Variants in PDGFD observed in about 807,000 individuals in gnomAD.
PDGFD encodes the protein platelet derived growth factor D, also known as platelet-derived growth factor D.
PDGFD carries 30 observed loss-of-function variants against 44.7 expected under a neutral mutation model. The ratio of observed to expected loss-of-function variants is 0.67; its 90% CI spans 0.50 to 0.91. The LOEUF (loss-of-function observed/expected upper bound fraction) is 0.91. PDGFD is among the 40% of genes least tolerant of loss of function. PDGFD has a pLI of 0.00. For missense variants in PDGFD, 445 were observed against 457.8 expected, an observed-to-expected ratio of 0.97 and a Z score of 0.25; for synonymous variants, 173 against 168.4, an observed-to-expected ratio of 1.03 and a Z score of -0.21.
chr11:104,000,502 G>T (rs562164309), intron 1 of PDGFD, among the ~76,000 whole-genome samples: 8 of 152,244 alleles, frequency 5.3e-5, no homozygotes, highest in African/African-American at 1.7e-4. Context: ...AAAAACAAAA[G>T]AAAAGACTCT....
chr11:103,931,845 G>C (rs982959857), intron 5 of PDGFD, among the ~76,000 whole-genome samples: 2 of 152,154 alleles, frequency 1.3e-5, no homozygotes, highest in African/African-American at 4.8e-5. Context: ...TAATGCTAAA[G>C]TTCTTTATAA....
At chr11:103,932,501 A>C (rs1013130325) in intron 5 of PDGFD, among the ~76,000 whole-genome samples, 1 of 152,194 alleles carries the variant, frequency 6.6e-6, no homozygotes, top group Non-Finnish European at 1.5e-5. Flanking sequence ...AAAAGTTAAG[A>C]AGCATCCATA....
At position 103,999,989 on chromosome 11, in the gene PDGFD, A is replaced by G. The variant is rs191118836; in HGVS notation, c.329+62T>C. On this transcript the variant is annotated intron_variant, in intron 2 of 6. Coordinates refer to ENST00000393158, the MANE Select transcript of PDGFD (RefSeq NM_025208.5). ...AAAGGAATGTTTGATACGATGCTTT[A>G]AATTCATCTTTTTCTTTTTTCACCT... The G allele has an allele frequency of 5.7e-6, 8 of 1,409,924 alleles. No individual in the cohort carries two copies. In the East Asian group the frequency reaches 1.8e-4, roughly 32 times the overall value. 87.3% of individuals were successfully genotyped at this position (1,409,924 alleles called of 1,614,324 possible).
At chr11:103,968,379 G>C (rs901256169) in intron 3 of PDGFD, among the ~76,000 whole-genome samples, 1 of 151,982 alleles carries the variant, frequency 6.6e-6, no homozygotes, top group Non-Finnish European at 1.5e-5. Context: ...CATCTCCTAC[G>C]GGACGTCTGA....
chr11:104,157,676 A>G (rs1862327195), intron 1 of PDGFD, among the ~76,000 whole-genome samples: 1 of 152,180 alleles, frequency 6.6e-6, no homozygotes, highest in African/African-American at 2.4e-5. Flanking sequence ...AGTCCGGAGA[A>G]GGCATGCTGG....
chr11:104,054,299 A>G (rs1860588987), intron 1 of PDGFD, among the ~76,000 whole-genome samples: 1 of 152,258 alleles, frequency 6.6e-6, no homozygotes, highest in African/African-American at 2.4e-5. Flanking sequence ...GTCCTCATCC[A>G]GACACACCCT....
At chr11:103,984,212 T>C (rs887662522) in intron 3 of PDGFD, among the ~76,000 whole-genome samples, 1 of 151,750 alleles carries the variant, frequency 6.6e-6, no homozygotes, top group African/African-American at 2.4e-5. Flanking sequence ...ATATACACTA[T>C]GGAATACAAT....
At position 103,996,745 on chromosome 11, in the gene PDGFD, C is replaced by T. The variant is rs374301899; in HGVS notation, c.330-500G>A. Among the ~76,000 whole-genome samples, 6 of 152,254 alleles carry T rather than the reference C, an allele frequency of 3.9e-5. No individual in the cohort carries two copies. The East Asian group carries it at 1.2e-3, about 29-fold the overall frequency. ...TGCCATTACAGAAAATAAATGAATA[C>T]ACACGACTTGCTATATTCTCTTTTT... is the stretch of plus-strand genomic sequence containing the variant. On this transcript the variant is annotated intron_variant, in intron 2 of 6. Transcript: ENST00000393158.
chr11:104,070,148 C>T (rs1408930701), intron 1 of PDGFD, among the ~76,000 whole-genome samples: 2 of 152,134 alleles, frequency 1.3e-5, no homozygotes, highest in Non-Finnish European at 2.9e-5. Flanking sequence ...ACTTTCCTTG[C>T]CCCAGCCCTG....
intron 1 of PDGFD, among the ~76,000 whole-genome samples, chr11:104,153,051 A>G (rs1862265648): frequency 6.6e-6 from 1 of 152,158 alleles, no homozygotes; most frequent in Non-Finnish European, 1.5e-5. Context: ...AATGTTGCAC[A>G]AGCTCCTAAA....
intron 1 of PDGFD, among the ~76,000 whole-genome samples, chr11:104,076,676 A>G (rs1860964388): frequency 6.6e-6 from 1 of 152,154 alleles, no homozygotes; most frequent in African/African-American, 2.4e-5. Context: ...GCTAGTTAAA[A>G]CATGTTAAGG....
At chr11:104,151,951 C>T (rs115863966) in intron 1 of PDGFD, among the ~76,000 whole-genome samples, 114 of 152,150 alleles carry the variant, frequency 7.5e-4, no homozygotes, top group African/African-American at 2.6e-3. Flanking sequence ...AATCCCAGGT[C>T]ACATAACGGT....
At chr11:104,090,220 G>T (rs998845203) in intron 1 of PDGFD, among the ~76,000 whole-genome samples, 3 of 152,062 alleles carry the variant, frequency 2.0e-5, no homozygotes, top group Non-Finnish European at 4.4e-5. Context: ...TACAGAAATA[G>T]ATTTTCCAAT....
rs539916940 is a variant in PDGFD at position 104,114,351 on chromosome 11, A to T, written c.124+49453T>A. On this transcript the variant is annotated intron_variant, in intron 1 of 6. Coordinates refer to ENST00000393158, the MANE Select transcript of PDGFD (RefSeq NM_025208.5). ...TGTTCTAGCACCATGTATAGAAAAGACTCTCTTCTCTCCATTAGGTTGTCT... is the reference window on the plus strand; with the variant it reads ...TGTTCTAGCACCATGTATAGAAAAGTCTCTCTTCTCTCCATTAGGTTGTCT... 2.0e-5 allele frequency among the ~76,000 whole-genome samples: 3 copies of T among 151,212 alleles called. No individual in the cohort carries two copies. The South Asian group carries it at 6.3e-4, about 32-fold the overall frequency.
chr11:104,044,027 C>A (rs1024943774), intron 1 of PDGFD, among the ~76,000 whole-genome samples: 1 of 152,110 alleles, frequency 6.6e-6, no homozygotes, highest in Non-Finnish European at 1.5e-5. Flanking sequence ...AGGCGAACAA[C>A]CAGCGAAATA....
At chr11:104,022,737 CATATA>C (rs946875379) in intron 1 of PDGFD, among the ~76,000 whole-genome samples, 22 of 132,980 alleles carry the variant, frequency 1.7e-4, no homozygotes, top group Non-Finnish European at 3.4e-4. Flanking sequence ...ACACTATAAA[CATATA>C]ATGTGTGTGT....
At chr11:104,071,857 C>T (rs1860882771) in intron 1 of PDGFD, among the ~76,000 whole-genome samples, 1 of 151,664 alleles carries the variant, frequency 6.6e-6, no homozygotes, top group Admixed American at 6.6e-5. Flanking sequence ...CATCTTCACT[C>T]TAGTGATTTG....
intron 1 of PDGFD, among the ~76,000 whole-genome samples, chr11:104,147,979 T>C (rs1001976875): frequency 2.6e-5 from 4 of 152,214 alleles, no homozygotes; most frequent in African/African-American, 9.6e-5. Context: ...GAAGTATCAA[T>C]GCTGATTAAA....
intron 1 of PDGFD, among the ~76,000 whole-genome samples, chr11:104,049,542 T>G (rs1354137797): frequency 6.6e-6 from 1 of 152,078 alleles, no homozygotes; most frequent in African/African-American, 2.4e-5. Flanking sequence ...TTTAAGCTTT[T>G]TTTTGTTTTG....
Sources: allele counts gnomAD v4.1 joint callset (sites outside exome capture counted in the v4.1 genomes callset), GRCh38; gene constraint gnomAD v4.1.1; transcripts MANE v1.5; gene names NCBI Gene and HGNC (gene_info 2026-07-23, HGNC 2026-07-21).